CC2D2B: variants seen among roughly 807,000 people sequenced by gnomAD.
CC2D2B encodes protein CC2D2B.
In CC2D2B, 128 loss-of-function variants were observed where a neutral mutation model predicts 161.2. The observed-to-expected ratio is 0.79, with a 90% CI of 0.69 to 0.92. The LOEUF (loss-of-function observed/expected upper bound fraction) is 0.92, where lower values mean the gene tolerates loss of function less well. Ranked by LOEUF, CC2D2B falls within the 40% of genes least tolerant of loss-of-function variation. CC2D2B has a pLI of 0.00. For missense variants in CC2D2B, 1,173 were observed against 1,375.1 expected (o/e 0.85, Z 2.32); for synonymous variants, 391 against 449.8 (o/e 0.87, Z 1.65).
intron 9 of CC2D2B, among the ~76,000 whole-genome samples, chr10:95,947,078 C>CAAAAAAAAAAAAAAAAAAA (rs368168752): frequency 9.6e-5 from 5 of 52,102 alleles, no homozygotes; most frequent in Admixed American, 4.6e-4. Flanking sequence ...ATAGTGGACT[C>CAAAAAAAAAAAAAAAAAAA]AAAAATATAT....
rs376825763 is a variant in CC2D2B, at chr10:96,009,850, G to T, written c.2972G>T (p.Gly991Val). ...GATCACTGTCTCAAGAGCTGTAGTGGTCACTCATATATAAGAAAGAATTGG... is the reference window on the plus strand; with the variant it reads ...GATCACTGTCTCAAGAGCTGTAGTGTTCACTCATATATAAGAAAGAATTGG... ...HEDHCLKSCS[G>V]HSYIRKNWLG... is the part of the protein sequence containing the mutation. Residue 991 changes from glycine (G) to valine (V), a missense_variant, in exon 26 of 35, where the codon GGT becomes GTT. Coordinates refer to ENST00000646931, the MANE Select transcript of CC2D2B (RefSeq NM_001349008.3). The T allele has an allele frequency of 1.1e-5, 18 of 1,598,984 alleles. No individual in the cohort carries two copies. The African/African-American group carries it at 2.0e-4, about 18-fold the overall frequency.
chr10:95,928,147 C>T (rs2098542883), intron 6 of CC2D2B, among the ~76,000 whole-genome samples: 1 of 152,122 alleles, frequency 6.6e-6, no homozygotes, highest in South Asian at 2.1e-4. Flanking sequence ...CCTACTTCCA[C>T]CTCCCAGTCT....
chr10:95,951,039 G>A (rs1298808973), intron 10 of CC2D2B, among the ~76,000 whole-genome samples: 4 of 152,068 alleles, frequency 2.6e-5, no homozygotes, highest in Admixed American at 6.6e-5. Context: ...GGCTGTTCTC[G>A]AACTTCTGAC....
intron 11 of CC2D2B, among the ~76,000 whole-genome samples, chr10:95,956,339 C>T (rs1215291987): frequency 6.6e-6 from 1 of 151,760 alleles, no homozygotes; most frequent in East Asian, 1.9e-4. Context: ...AAGGCTCATA[C>T]AAGCAAAAGC....
chr10:95,993,950 GTGTATATATATATATATATATA>G (rs2078116266), intron 22 of CC2D2B, among the ~76,000 whole-genome samples: 4 of 13,726 alleles, frequency 2.9e-4, no homozygotes, highest in African/African-American at 8.0e-4. Context: ...GTGTATGTAT[GTGTATATATATATATATATATA>G]TATATATATA....
At chr10:95,994,154 A>G (rs559750287) in intron 22 of CC2D2B, among the ~76,000 whole-genome samples, 28 of 148,868 alleles carry the variant, frequency 1.9e-4, no homozygotes, top group Non-Finnish European at 3.3e-4. Context: ...GGTGGCCTCA[A>G]ATGGCTGGGC....
At position 95,968,769 on chromosome 10, in the gene CC2D2B, T is replaced by C. The variant is rs1270370983; in HGVS notation, c.1512T>C (p.Phe504=). 8.2e-6 allele frequency: 10 copies of C among 1,213,916 alleles called. No homozygotes were observed. The highest frequency in any genetic ancestry group is 4.7e-5 in the African/African-American group (3 of 64,142). 75.2% of individuals were successfully genotyped at this position (1,213,916 alleles called of 1,614,324 possible). A position where few individuals can be genotyped will look rare whatever the true frequency, so the allele number is the denominator to read the frequency against. Reference sequence around the variant, plus strand: ...CCAAAATTCAGAAGCTCAAATACTTTATTAAAATATTTTACAACAATAAAC... The same window carrying C: ...CCAAAATTCAGAAGCTCAAATACTTCATTAAAATATTTTACAACAATAAAC... The part of the protein sequence containing the change: ...RRAKIQKLKY[F]IKIFYNNKQV... Residue 504 remains phenylalanine, a synonymous_variant, in exon 15 of 35, where the codon TTT becomes TTC. Transcript: ENST00000646931.
In CC2D2B at chr10:96,012,521, T is replaced by C. The variant is rs2079037412; in HGVS notation, c.3229-11T>C. 1.3e-6 allele frequency: 2 copies of C among 1,556,716 alleles called. No homozygotes were observed. The highest frequency in any genetic ancestry group is 2.2e-5 in the East Asian group (1 of 44,522). On this transcript the variant is annotated splice_polypyrimidine_tract_variant and intron_variant, in intron 27 of 34. Coordinates refer to ENST00000646931, the MANE Select transcript of CC2D2B (RefSeq NM_001349008.3). ...CAGTACAATTCTGAAATACTTTACA[T>C]TTTATTGTAGTTTTTAGATCAAACA...
chr10:96,018,689 TG>T (rs1449496065), intron 30 of CC2D2B: 1 of 152,238 alleles, frequency 6.6e-6, no homozygotes, highest in Non-Finnish European at 1.5e-5. Flanking sequence ...CATGCTAACC[TG>T]GGGCTGAGGA....
intron 2 of CC2D2B, among the ~76,000 whole-genome samples, chr10:95,918,764 T>C (rs1268404433): frequency 6.6e-6 from 1 of 152,184 alleles, no homozygotes; most frequent in African/African-American, 2.4e-5. Flanking sequence ...TTTTGAGGCT[T>C]TTTTTCTAGC....
chr10:95,988,440 C>G, intron 20 of CC2D2B, 98 bp downstream of exon 20: 1 of 454,158 alleles, frequency 2.2e-6, no homozygotes, highest in Non-Finnish European at 3.6e-6. Flanking sequence ...GTCAGATGGA[C>G]GAATCCACTC....
rs748149081 is a variant in CC2D2B, at chr10:96,033,575, A to T, written c.*1567A>T. ...GAATTCATGCAACTCATTTCTGTAC[A>T]GCTTTGAATATTTACATAGCTATTT... On this transcript the variant is annotated 3_prime_UTR_variant, in exon 35 of 35. Coordinates refer to ENST00000646931, the MANE Select transcript of CC2D2B (RefSeq NM_001349008.3). Among the ~76,000 whole-genome samples, 2 of 152,232 alleles carry T rather than the reference A, an allele frequency of 1.3e-5. No individual in the cohort carries two copies. The highest frequency in any genetic ancestry group is 2.4e-5 in the African/African-American group (1 of 41,472).
Position 95,938,178 on chromosome 10 carries a change from G to A in CC2D2B, c.524G>A (p.Ser175Asn), listed in dbSNP as rs1189969406. ...CAGAAGGCAAATATTTTTGTACCAA[G>A]TAGTTCTCCAGGTAACATTCTTTCC... ...KKQKANIFVP[S>N]SSPVVNQRKL... Residue 175 changes from serine to asparagine, a missense_variant, in exon 7 of 35, where the codon AGT becomes AAT. By Grantham distance (46) the Ser-to-Asn change is conservative (BLOSUM62 1). Coordinates refer to ENST00000646931, the MANE Select transcript of CC2D2B (RefSeq NM_001349008.3). 6.5e-7 allele frequency: 1 copy of A among 1,545,278 alleles called. No individual in the cohort carries two copies.
At chr10:95,989,389 G>T (rs778789282) in intron 20 of CC2D2B, among the ~76,000 whole-genome samples, 50 of 152,182 alleles carry the variant, frequency 3.3e-4, no homozygotes, top group Non-Finnish European at 5.7e-4. Context: ...ATGGAATGTG[G>T]ACCGCTGTAG....
chr10:95,972,454 C>G (rs774178332), intron 16 of CC2D2B, among the ~76,000 whole-genome samples: 1 of 152,128 alleles, frequency 6.6e-6, no homozygotes, highest in African/African-American at 2.4e-5. Context: ...GCTGGGATTA[C>G]AGATCCCTGC....
At position 95,996,251 on chromosome 10, in the gene CC2D2B, G is replaced by T; in HGVS notation, c.2848G>T (p.Val950Phe). The T allele has an allele frequency of 1.4e-6, 2 of 1,383,506 alleles. No individual in the cohort carries two copies. The highest frequency in any genetic ancestry group is 1.4e-5 in the African/African-American group (1 of 69,952). The allele number at this position is 1,383,506 out of a possible 1,614,324, so 85.7% of individuals were successfully genotyped here. Residue 950 changes from valine (V) to phenylalanine (F), a missense_variant and splice_region_variant, in exon 24 of 35, where the codon GTC becomes TTC. Val to Phe is a conservative substitution (Grantham distance 50, BLOSUM62 -1). Transcript: ENST00000646931. ...CWNEEIKVDF[V>F]SPGHDYSFSS... ...GAATGAAGAAATTAAAGTAGATTTT[G>T]TGTAAGTTGGAGTTCATTTTTCCAT...
At chr10:95,980,861 T>C (rs544459439) in intron 17 of CC2D2B, among the ~76,000 whole-genome samples, 1 of 152,306 alleles carries the variant, frequency 6.6e-6, no homozygotes, top group South Asian at 2.1e-4. Flanking sequence ...GACAGGAACC[T>C]TTCTGGACTA....
chr10:95,998,073 A>C (rs554381179), intron 24 of CC2D2B, among the ~76,000 whole-genome samples: 1 of 152,164 alleles, frequency 6.6e-6, no homozygotes, highest in South Asian at 2.1e-4. Context: ...CTTTTTAAAG[A>C]GGCAGTTTTT....
rs1440319043 is a variant in CC2D2B at position 96,029,263 on chromosome 10, T to C, written c.4125+1874T>C. Among the ~76,000 whole-genome samples, 33 of 66,968 alleles carry C rather than the reference T, an allele frequency of 4.9e-4. 1 individual carries two copies. The East Asian group carries it at 9.8e-3, about 20-fold the overall frequency. The allele number at this position is 66,968 out of a possible 152,430, so 43.9% of individuals were successfully genotyped here. ...TACCATATATATATATATATATATA[T>C]ATATATATATATATATATATATGTA... On this transcript the variant is annotated intron_variant, in intron 34 of 34. Transcript: ENST00000646931.
Sources: allele counts gnomAD v4.1 joint callset (sites outside exome capture counted in the v4.1 genomes callset), GRCh38; gene constraint gnomAD v4.1.1; transcripts MANE v1.5; gene names NCBI Gene and HGNC (gene_info 2026-07-23, HGNC 2026-07-21).